FBXL7: variants seen among roughly 807,000 people sequenced by gnomAD.
The protein encoded by FBXL7 is F-box and leucine rich repeat protein 7.
FBXL7 carries 12 observed loss-of-function variants against 38.3 expected under a neutral mutation model. The ratio of observed to expected loss-of-function variants is 0.31; its 90% confidence interval spans 0.20 to 0.51. The LOEUF is 0.51. Among genes scored for constraint, FBXL7 ranks in the 20% least tolerant of loss-of-function variants. The pLI, the probability that FBXL7 is intolerant of heterozygous loss-of-function variation, is 0.98. For synonymous variants in FBXL7, 297 were observed against 300.9 expected, an observed-to-expected ratio of 0.99 and a Z score of 0.13; for missense variants, 567 against 676.4, an observed-to-expected ratio of 0.84 and a Z score of 1.79.
At chr5:15,706,826 C>T (rs61245490) in intron 2 of FBXL7, among the ~76,000 whole-genome samples, 9 of 152,178 alleles carry the variant, frequency 5.9e-5, no homozygotes, top group Non-Finnish European at 8.8e-5. Flanking sequence ...AGAGACAAAT[C>T]TGGGGTGGAG....
In FBXL7 at chr5:15,863,392, AAT is replaced by A. The variant is rs1739564009; in HGVS notation, c.128-64494_128-64493del. ...CTTTTTTCATGTGCTTTTGCCAGAG[AAT>A]ATAGAGTTATATTCACATAAATCAA... On this transcript the variant is annotated intron_variant, in intron 2 of 3. Transcript: ENST00000504595. Among the ~76,000 whole-genome samples the A allele has an allele frequency of 2.6e-5, 4 of 152,300 alleles. No homozygotes were observed. In the South Asian group the frequency reaches 8.3e-4, roughly 32 times the overall value.
At chr5:15,869,422 G>A (rs976501679) in intron 2 of FBXL7, among the ~76,000 whole-genome samples, 3 of 152,106 alleles carry the variant, frequency 2.0e-5, no homozygotes, top group Non-Finnish European at 2.9e-5. Flanking sequence ...ACTTCCGGCC[G>A]ACACATGTGG....
intron 2 of FBXL7, among the ~76,000 whole-genome samples, chr5:15,889,683 A>T (rs530154658): frequency 6.6e-6 from 1 of 152,218 alleles, no homozygotes; most frequent in Non-Finnish European, 1.5e-5. Context: ...GGATCCAGGT[A>T]TCAGTGTTGT....
At chr5:15,842,254 A>G (rs1460567021) in intron 2 of FBXL7, among the ~76,000 whole-genome samples, 3 of 152,218 alleles carry the variant, frequency 2.0e-5, no homozygotes, top group Non-Finnish European at 4.4e-5. Context: ...GAGTCAAAGG[A>G]GATCATTTTG....
At chr5:15,912,450 G>T (rs1396739163) in intron 2 of FBXL7, among the ~76,000 whole-genome samples, 1 of 147,244 alleles carries the variant, frequency 6.8e-6, no homozygotes, top group Non-Finnish European at 1.5e-5. Context: ...GATGAACCCG[G>T]TACCTCAGAT....
intron 2 of FBXL7, among the ~76,000 whole-genome samples, chr5:15,634,507 G>C (rs535536583): frequency 1.8e-3 from 139 of 77,154 alleles, no homozygotes; most frequent in Admixed American, 3.5e-3. Flanking sequence ...TTTTTAGTTG[G>C]GGGGGGGGTT....
chr5:15,500,557 A>T lies in FBXL7; in HGVS notation c.-120A>T. ...TCTCCAGGCCGGAGGTCGGCCCCGG[A>T]GCTTGGGGGGGATGTGCAGCTAACG... On this transcript the variant is annotated 5_prime_UTR_variant, in exon 1 of 4. Coordinates refer to ENST00000504595, the MANE Select transcript of FBXL7 (RefSeq NM_012304.5). The T allele has an allele frequency of 7.1e-7, 1 of 1,415,054 alleles. No homozygotes were observed. Among genetic ancestry groups the T allele is most frequent in the Non-Finnish European group, 1.0e-6 (1 of 999,896 alleles). 87.7% of individuals were successfully genotyped at this position (1,415,054 alleles called of 1,614,324 possible). A position where few individuals can be genotyped will look rare whatever the true frequency, so the allele number is the denominator to read the frequency against.
intron 2 of FBXL7, among the ~76,000 whole-genome samples, chr5:15,797,311 A>G (rs1435683690): frequency 6.6e-6 from 1 of 152,232 alleles, no homozygotes; most frequent in Non-Finnish European, 1.5e-5. Flanking sequence ...GCTGTAATGT[A>G]GGACCCTCCC....
chr5:15,728,147 A>G (rs1389071915), intron 2 of FBXL7, among the ~76,000 whole-genome samples: 2 of 151,918 alleles, frequency 1.3e-5, no homozygotes, highest in Non-Finnish European at 2.9e-5. Flanking sequence ...ATATTTCTCT[A>G]TTGCTGTCAG....
intron 2 of FBXL7, among the ~76,000 whole-genome samples, chr5:15,753,231 A>G (rs575055266): frequency 1.8e-4 from 28 of 152,066 alleles, no homozygotes; most frequent in Non-Finnish European, 2.5e-4. Flanking sequence ...GAGCGCTTCA[A>G]TTCTCCTACT....
intron 2 of FBXL7, among the ~76,000 whole-genome samples, chr5:15,696,295 G>C (rs550013251): frequency 6.6e-6 from 1 of 151,990 alleles, no homozygotes; most frequent in Non-Finnish European, 1.5e-5. Flanking sequence ...CAACATTGTC[G>C]TGCTTTAAAG....
intron 2 of FBXL7, among the ~76,000 whole-genome samples, chr5:15,833,623 T>C (rs1047046966): frequency 3.9e-5 from 6 of 152,168 alleles, no homozygotes; most frequent in African/African-American, 7.2e-5. Flanking sequence ...GACAAGTCTT[T>C]CCAGATTTAC....
intron 1 of FBXL7, among the ~76,000 whole-genome samples, chr5:15,562,961 C>T (rs1420400062): frequency 6.6e-6 from 1 of 152,062 alleles, no homozygotes; most frequent in Non-Finnish European, 1.5e-5. Flanking sequence ...ATTAGGGGAG[C>T]CTGGTATACA....
At chr5:15,705,508 C>G (rs1743654485) in intron 2 of FBXL7, among the ~76,000 whole-genome samples, 1 of 152,102 alleles carries the variant, frequency 6.6e-6, no homozygotes, top group Non-Finnish European at 1.5e-5. Context: ...GTTTGGAAGA[C>G]AGATTGGCAA....
intron 2 of FBXL7, among the ~76,000 whole-genome samples, chr5:15,785,683 T>C (rs1338073026): frequency 2.0e-5 from 3 of 152,236 alleles, no homozygotes; most frequent in Non-Finnish European, 4.4e-5. Context: ...CAGTGTGGAT[T>C]ACCCCATTAG....
intron 1 of FBXL7, among the ~76,000 whole-genome samples, chr5:15,597,236 G>A (rs373757902): frequency 2.6e-5 from 4 of 152,090 alleles, no homozygotes; most frequent in African/African-American, 7.2e-5. Context: ...ACCACCATCC[G>A]CACACATTTT....
chr5:15,828,456 G>C (rs974511981), intron 2 of FBXL7, among the ~76,000 whole-genome samples: 5 of 152,162 alleles, frequency 3.3e-5, no homozygotes, highest in African/African-American at 1.2e-4. Flanking sequence ...ATCTTAAGTT[G>C]AATGAATGAA....
chr5:15,674,608 T>C (rs1042131830), intron 2 of FBXL7, among the ~76,000 whole-genome samples: 5 of 152,180 alleles, frequency 3.3e-5, no homozygotes, highest in African/African-American at 1.2e-4. Context: ...GTAATTTTAC[T>C]GTTTGGGTTA....
At chr5:15,778,822 A>G (rs773876846) in intron 2 of FBXL7, among the ~76,000 whole-genome samples, 2 of 152,142 alleles carry the variant, frequency 1.3e-5, no homozygotes, top group Non-Finnish European at 2.9e-5. Context: ...CCAAAGATAC[A>G]TTAGCTGGAA....
Sources: gnomAD v4.1 joint callset for allele counts (sites outside exome capture counted in the v4.1 genomes callset) on GRCh38, gnomAD v4.1.1 for gene constraint, MANE v1.5 for transcripts, NCBI Gene and HGNC (gene_info 2026-07-23, HGNC 2026-07-21) for gene names.